HS6ST2: variants seen among roughly 807,000 people sequenced by gnomAD.
HS6ST2 encodes heparan sulfate 6-O-sulfotransferase 2, also known as heparan-sulfate 6-O-sulfotransferase 2.
HS6ST2 carries 17 observed loss-of-function variants against 33.0 expected under a neutral mutation model. That is an observed-to-expected ratio of 0.52 (90% CI 0.35 to 0.77). The LOEUF is 0.77. Ranked by LOEUF, HS6ST2 falls within the 30% of genes least tolerant of loss-of-function variation. The pLI is 0.01. For synonymous variants in HS6ST2, 248 were observed against 237.1 expected, an observed-to-expected ratio of 1.05 and a Z score of -0.42; for missense variants, 519 against 551.7, an observed-to-expected ratio of 0.94 and a Z score of 0.59.
At chrX:132,861,683 T>C (rs1234743369) in intron 2 of HS6ST2, among the ~76,000 whole-genome samples, 3 of 112,346 alleles carry the variant, frequency 2.7e-5, no homozygotes, top group Non-Finnish European at 3.8e-5. Flanking sequence ...CTATTCCCCA[T>C]AAGCTCAATC....
At chrX:132,782,321 A>G (rs2065023041) in intron 2 of HS6ST2, among the ~76,000 whole-genome samples, 1 of 111,963 alleles carries the variant, frequency 8.9e-6, no homozygotes, top group Admixed American at 9.5e-5. Context: ...TTAGCACCTC[A>G]AAAGATCTCT....
intron 2 of HS6ST2, among the ~76,000 whole-genome samples, chrX:132,936,565 T>A (rs2066824325): frequency 8.9e-6 from 1 of 112,114 alleles, no homozygotes; most frequent in African/African-American, 3.2e-5. Context: ...TAGATACAGC[T>A]GGAGGCCATT....
At chrX:132,881,233 A>G (rs1338852552) in intron 2 of HS6ST2, among the ~76,000 whole-genome samples, 1 of 110,452 alleles carries the variant, frequency 9.1e-6, no homozygotes, top group Non-Finnish European at 1.9e-5. Flanking sequence ...ACTAGTTTAC[A>G]GTCCCACCAA....
chrX:132,774,618 TA>T (rs2064938350), intron 2 of HS6ST2, among the ~76,000 whole-genome samples: 1 of 112,079 alleles, frequency 8.9e-6, no homozygotes, highest in South Asian at 3.8e-4. Context: ...TCATTTTATG[TA>T]AACTTGGGTT....
At chrX:132,632,159 A>T (rs962012463) in intron 4 of HS6ST2, among the ~76,000 whole-genome samples, 2 of 111,407 alleles carry the variant, frequency 1.8e-5, no homozygotes, top group African/African-American at 6.5e-5. Context: ...TGCCTTGGTG[A>T]TAACAGCCAC....
chrX:132,844,118 T>G (rs1237611410), intron 2 of HS6ST2, among the ~76,000 whole-genome samples: 1 of 112,228 alleles, frequency 8.9e-6, no homozygotes, highest in African/African-American at 3.2e-5. Flanking sequence ...AGAATCCCTG[T>G]GAAGAGTTCA....
At chrX:132,783,599 G>T (rs1231882188) in intron 2 of HS6ST2, among the ~76,000 whole-genome samples, 1 of 110,942 alleles carries the variant, frequency 9.0e-6, no homozygotes, top group Non-Finnish European at 1.9e-5. Flanking sequence ...CTCAACAATA[G>T]CTTTCTTTCA....
intron 2 of HS6ST2, among the ~76,000 whole-genome samples, chrX:132,912,200 T>C (rs189487045): frequency 2.2e-3 from 252 of 113,069 alleles, no homozygotes; most frequent in African/African-American, 7.4e-3. Context: ...AGGTCTGTTC[T>C]GCAACTAACC....
At chrX:132,814,866 T>C (rs1308919414) in intron 2 of HS6ST2, among the ~76,000 whole-genome samples, 4 of 112,342 alleles carry the variant, frequency 3.6e-5, no homozygotes, top group African/African-American at 1.3e-4. Flanking sequence ...TACTGTTACC[T>C]CAGCCTGGAA....
chrX:132,730,349 T>C (rs1281556704), intron 2 of HS6ST2, among the ~76,000 whole-genome samples: 1 of 111,905 alleles, frequency 8.9e-6, no homozygotes, highest in Admixed American at 9.4e-5. Flanking sequence ...TGGCCTGTAA[T>C]GCTCCATGTT....
In HS6ST2 at chrX:132,678,406, C is replaced by T. The variant is rs1320827623; in HGVS notation, c.981-9207G>A. 3.6e-5 allele frequency among the ~76,000 whole-genome samples: 4 copies of T among 111,848 alleles called. No individual in the cohort carries two copies. In the South Asian group the frequency reaches 1.5e-3, roughly 42 times the overall value. ...TTAGAAATCAAGTAGAAGGGCCATGCCAACAAGATATTGAAAATGCCTTCT... is the reference window on the plus strand; with the variant it reads ...TTAGAAATCAAGTAGAAGGGCCATGTCAACAAGATATTGAAAATGCCTTCT... On this transcript the variant is annotated intron_variant, in intron 3 of 4. Transcript: ENST00000370833.
At chrX:132,779,362 T>C (rs2064997250) in intron 2 of HS6ST2, among the ~76,000 whole-genome samples, 2 of 112,021 alleles carry the variant, frequency 1.8e-5, no homozygotes, top group Non-Finnish European at 3.8e-5. Context: ...AATCTAAGAA[T>C]TAGTGAAAAT....
At chrX:132,843,320 AT>A (rs2065723514) in intron 2 of HS6ST2, among the ~76,000 whole-genome samples, 1 of 112,267 alleles carries the variant, frequency 8.9e-6, no homozygotes, top group Non-Finnish European at 1.9e-5. Flanking sequence ...GTTAAGTATT[AT>A]ACCACTTACA....
chrX:132,681,065 TG>T (rs2063967033), intron 3 of HS6ST2, among the ~76,000 whole-genome samples: 1 of 110,505 alleles, frequency 9.0e-6, no homozygotes, highest in South Asian at 3.9e-4. Flanking sequence ...GCTTTTTCCC[TG>T]GTGCACTTAT....
intron 2 of HS6ST2, among the ~76,000 whole-genome samples, chrX:132,709,224 C>T (rs1359153188): frequency 8.9e-6 from 1 of 112,306 alleles, no homozygotes; most frequent in Non-Finnish European, 1.9e-5. Context: ...ATACACAGGT[C>T]AGTTGCTAAT....
At chrX:132,716,369 G>A (rs1273558390) in intron 2 of HS6ST2, among the ~76,000 whole-genome samples, 2 of 112,090 alleles carry the variant, frequency 1.8e-5, no homozygotes, top group Non-Finnish European at 3.8e-5. Flanking sequence ...AGAAAGCAGT[G>A]AAAAGGATGT....
At chrX:132,687,899 C>G (rs1369113288) in intron 3 of HS6ST2, among the ~76,000 whole-genome samples, 1 of 111,347 alleles carries the variant, frequency 9.0e-6, no homozygotes, top group Non-Finnish European at 1.9e-5. Context: ...CAGGTGCCCA[C>G]CACCACGCCC....
intron 2 of HS6ST2, among the ~76,000 whole-genome samples, chrX:132,839,188 CACA>C (rs2065678341): frequency 9.7e-6 from 1 of 103,512 alleles, no homozygotes; most frequent in South Asian, 4.5e-4. Flanking sequence ...TCATGTTAAT[CACA>C]ACACTATTCA....
At position 132,823,115 on chromosome X, in the gene HS6ST2, T is replaced by C. The variant is rs889598549; in HGVS notation, c.948-114621A>G. Among the ~76,000 whole-genome samples the C allele has an allele frequency of 3.6e-5, 4 of 112,280 alleles. 1 individual carries two copies. The highest frequency in any genetic ancestry group is 1.3e-4 in the African/African-American group (4 of 30,875). On this transcript the variant is annotated intron_variant, in intron 2 of 4. Transcript: ENST00000370833. ...AGTTTGAAAGCTGTATAGCCTTTAA[T>C]ATACGAACGAACATGTCTTTTAAGT...
Sources: gnomAD v4.1 joint callset for allele counts (sites outside exome capture counted in the v4.1 genomes callset) on GRCh38, gnomAD v4.1.1 for gene constraint, MANE v1.5 for transcripts, NCBI Gene and HGNC (gene_info 2026-07-23, HGNC 2026-07-21) for gene names.